The following LRRC41 variants were observed in gnomAD, a reference collection of about 807,000 sequenced individuals.
The protein encoded by LRRC41 is leucine rich repeat containing 41, also known as leucine-rich repeat-containing protein 41.
Under a neutral mutation model 72.1 loss-of-function variants are expected in LRRC41, and 17 were observed. The observed-to-expected ratio is 0.24, with a 90% CI of 0.16 to 0.35. LRRC41 has a LOEUF of 0.35. Among genes scored for constraint, LRRC41 ranks in the 10% least tolerant of loss-of-function variants. The probability of loss-of-function intolerance (pLI) is 1.00; values close to 1 mark genes in which losing one functional copy is unlikely to be tolerated. For missense variants in LRRC41, 759 were observed against 1,065.0 expected (o/e 0.71, Z 4.00); for synonymous variants, 427 against 431.0 (o/e 0.99, Z 0.11).
rs935812078 is a variant in LRRC41, at chr1:46,302,972, G to A, written c.199+152C>T. ...GTCTTTACTCTGTCCAGCCCTGTCA[G>A]TCACAAAATTCATTCTCCGATCCTA... On this transcript the variant is annotated intron_variant, in intron 1 of 9. Coordinates refer to ENST00000617190, the MANE Select transcript of LRRC41 (RefSeq NM_006369.5). This position sits in a 1 kb window ranked among gnomAD's most constrained non-coding sequence, Gnocchi z 4.7. 7 of 1,308,578 alleles carry A rather than the reference G, an allele frequency of 5.3e-6. No individual in the cohort carries two copies. The East Asian group carries it at 1.9e-4, about 35-fold the overall frequency. The allele number at this position is 1,308,578 out of a possible 1,614,324, so 81.1% of individuals were successfully genotyped here.
In LRRC41 at chr1:46,279,149, C is replaced by T; in HGVS notation, c.2219+33G>A. 1 of 1,612,926 alleles carries T rather than the reference C, an allele frequency of 6.2e-7. No homozygotes were observed. The highest frequency in any genetic ancestry group is 8.5e-7 in the Non-Finnish European group (1 of 1,179,074). ...AATTCCTGGTCTATATCTCTGTAGCCCCATCCCTTGTCTTGCCCCTCCCCT... is the reference window on the plus strand; with the variant it reads ...AATTCCTGGTCTATATCTCTGTAGCTCCATCCCTTGTCTTGCCCCTCCCCT... On this transcript the variant is annotated intron_variant, in intron 9 of 9. Coordinates refer to ENST00000617190, the MANE Select transcript of LRRC41 (RefSeq NM_006369.5). The surrounding 1 kb of genome is among the most constrained non-coding windows in gnomAD (Gnocchi z 4.5).
chr1:46,296,068 A>G (rs925139973), intron 3 of LRRC41, among the ~76,000 whole-genome samples: 12 of 152,168 alleles, frequency 7.9e-5, no homozygotes, highest in African/African-American at 2.9e-4. Context: ...ACTATCCTCT[A>G]TTACACCACT....
intron 1 of LRRC41, chr1:46,298,911 G>C (rs1452113392): frequency 6.6e-6 from 1 of 152,382 alleles, no homozygotes; most frequent in Non-Finnish European, 1.5e-5. Flanking sequence ...GCCACTTTCA[G>C]TATATCAACT....
Position 46,278,470 on chromosome 1 carries a change from G to C in LRRC41, c.*395C>G. On this transcript the variant is annotated 3_prime_UTR_variant, in exon 10 of 10. Transcript: ENST00000617190. ...AAAAAAAAGAATAAAGGTATGAAAG[G>C]GTTTGAGGCCTGAGAGCAGTGTGGT... is the stretch of plus-strand genomic sequence containing the variant. The C allele has an allele frequency of 1.3e-6, 1 of 740,968 alleles. No homozygotes were observed. Among genetic ancestry groups the C allele is most frequent in the Non-Finnish European group, 2.2e-6 (1 of 451,262 alleles). The allele number at this position is 740,968 out of a possible 1,614,324, so 45.9% of individuals were successfully genotyped here.
chr1:46,298,253 TTGAC>T (rs1305891221), intron 2 of LRRC41, 27 bp downstream of exon 2: 1 of 1,437,316 alleles, frequency 7.0e-7, no homozygotes, highest in South Asian at 1.2e-5. Flanking sequence ...CTCATAATCA[TTGAC>T]TGAGAAAGAG....
At position 46,303,388 on chromosome 1, in the gene LRRC41, A is replaced by G; in HGVS notation, c.-66T>C. On this transcript the variant is annotated 5_prime_UTR_variant, in exon 1 of 10. It removes the in-frame stop codon of an upstream open reading frame in the 5' UTR. Transcript: ENST00000617190. ...CGCCATCTTGAAAAGGTCAGCAGTT[A>G]GGACGGCTCCATAAGCGATATGGGG... 7.2e-7 allele frequency: 1 copy of G among 1,385,646 alleles called. No homozygotes were observed. Among genetic ancestry groups the G allele is most frequent in the Non-Finnish European group, 9.5e-7 (1 of 1,049,134 alleles). The allele number at this position is 1,385,646 out of a possible 1,614,324, so 85.8% of individuals were successfully genotyped here.
intron 3 of LRRC41, among the ~76,000 whole-genome samples, chr1:46,289,475 C>T (rs1196874260): frequency 6.6e-6 from 1 of 152,026 alleles, no homozygotes; most frequent in Non-Finnish European, 1.5e-5. Flanking sequence ...TCTTAAGAAT[C>T]TATGGGCCGG....
In LRRC41 at chr1:46,279,517, G is replaced by C; in HGVS notation, c.2118C>G (p.Gly706=). ...AAMKGNSTLK[G]LRLPGNRLGN... ...CCAGGCGGTTCCCTGGCAGCCGGAG[G>C]CCCTTCAGTGTGGAGTTGCCCTTCA... Residue 706 remains glycine, a synonymous_variant, in exon 8 of 10, where the codon GGC becomes GGG. Transcript: ENST00000617190. This position sits in a 1 kb window ranked among gnomAD's most constrained non-coding sequence, Gnocchi z 4.5. 1.2e-6 allele frequency: 2 copies of C among 1,614,242 alleles called. No individual in the cohort carries two copies. Among genetic ancestry groups the C allele is most frequent in the Non-Finnish European group, 1.7e-6 (2 of 1,180,044 alleles).
Position 46,278,012 on chromosome 1 carries a change from C to G in LRRC41, c.*853G>C, listed in dbSNP as rs1305187640. On this transcript the variant is annotated 3_prime_UTR_variant, in exon 10 of 10. Coordinates refer to ENST00000617190, the MANE Select transcript of LRRC41 (RefSeq NM_006369.5). ...AAGTGCCCTAACCATTATCTCTAAG[C>G]TACCCACACAGTAGGGAGATGGGAT... 1 of 1,614,164 alleles carries G rather than the reference C, an allele frequency of 6.2e-7. No homozygotes were observed. Among genetic ancestry groups the G allele is most frequent in the Non-Finnish European group, 8.5e-7 (1 of 1,180,012 alleles).
chr1:46,283,359 C>T (rs907729721), intron 4 of LRRC41, among the ~76,000 whole-genome samples: 1 of 152,126 alleles, frequency 6.6e-6, no homozygotes, highest in Non-Finnish European at 1.5e-5. Context: ...TGGCTCATGA[C>T]TATAATCTCA....
At chr1:46,300,910 G>GT (rs1661208844) in intron 1 of LRRC41, 1 of 152,260 alleles carries the variant, frequency 6.6e-6, no homozygotes, top group Non-Finnish European at 1.5e-5. Flanking sequence ...ACTTGATTCA[G>GT]CTTTTTCTGG....
rs751010909 is a variant in LRRC41, at chr1:46,277,973, C to T, written c.*892G>A. On this transcript the variant is annotated 3_prime_UTR_variant, in exon 10 of 10. Coordinates refer to ENST00000617190, the MANE Select transcript of LRRC41 (RefSeq NM_006369.5). ...GGATGAAGCTAGCCTCAGTGACACACATGACAGGTGGGGAAGTGCCCTAAC... is the reference window on the plus strand; with the variant it reads ...GGATGAAGCTAGCCTCAGTGACACATATGACAGGTGGGGAAGTGCCCTAAC... The T allele has an allele frequency of 8.7e-6, 14 of 1,614,066 alleles. No homozygotes were observed. The highest frequency in any genetic ancestry group is 6.7e-5 in the Admixed American group (4 of 60,006).
Position 46,302,114 on chromosome 1 carries a change from C to T in LRRC41, c.199+1010G>A. On this transcript the variant is annotated intron_variant, in intron 1 of 9. Transcript: ENST00000617190. The surrounding 1 kb of genome is among the most constrained non-coding windows in gnomAD (Gnocchi z 4.7). Reference sequence around the variant, plus strand: ...GGTTCGCCCTCCCCGGCCGTTCATCCCGGCGCCCCAGGCCGCCCTCCATCC... The same window carrying T: ...GGTTCGCCCTCCCCGGCCGTTCATCTCGGCGCCCCAGGCCGCCCTCCATCC... The T allele has an allele frequency of 1.0e-6, 1 of 985,362 alleles. No homozygotes were observed. The highest frequency in any genetic ancestry group is 1.2e-6 in the Non-Finnish European group (1 of 829,884). 61.0% of individuals were successfully genotyped at this position (985,362 alleles called of 1,614,324 possible).
chr1:46,302,443 C>T lies in LRRC41; in HGVS notation c.199+681G>A. The T allele has an allele frequency of 1.0e-6, 1 of 985,376 alleles. No homozygotes were observed. The allele number at this position is 985,376 out of a possible 1,614,324, so 61.0% of individuals were successfully genotyped here. A position where few individuals can be genotyped will look rare whatever the true frequency, so the allele number is the denominator to read the frequency against. ...CCTGCGGGTCGCACGGTCGCTCGGT[C>T]GCTTAGTCAGTTTGGCACCCGAGAC... On this transcript the variant is annotated intron_variant, in intron 1 of 9. Coordinates refer to ENST00000617190, the MANE Select transcript of LRRC41 (RefSeq NM_006369.5). This position sits in a 1 kb window ranked among gnomAD's most constrained non-coding sequence, Gnocchi z 4.7.
rs1361608832 is a variant in LRRC41, at chr1:46,278,086, G to A, written c.*779C>T. On this transcript the variant is annotated 3_prime_UTR_variant, in exon 10 of 10. Transcript: ENST00000617190. ...TCTGTCCCTAGGTTGCACTGCCGACGTTGTGTCAACAGCCGTCAGATCCGG... is the reference window on the plus strand; with the variant it reads ...TCTGTCCCTAGGTTGCACTGCCGACATTGTGTCAACAGCCGTCAGATCCGG... 7.4e-6 allele frequency: 12 copies of A among 1,613,990 alleles called. No individual in the cohort carries two copies. The highest frequency in any genetic ancestry group is 4.0e-5 in the African/African-American group (3 of 74,936).
rs1660688952 is a variant in LRRC41 at position 46,278,410 on chromosome 1, C to G, written c.*455G>C. The G allele has an allele frequency of 2.7e-6, 3 of 1,110,510 alleles. No individual in the cohort carries two copies. Among genetic ancestry groups the G allele is most frequent in the Non-Finnish European group, 3.9e-6 (3 of 767,116 alleles). 68.8% of individuals were successfully genotyped at this position (1,110,510 alleles called of 1,614,324 possible). A position where few individuals can be genotyped will look rare whatever the true frequency, so the allele number is the denominator to read the frequency against. On this transcript the variant is annotated 3_prime_UTR_variant, in exon 10 of 10. Coordinates refer to ENST00000617190, the MANE Select transcript of LRRC41 (RefSeq NM_006369.5). The stretch of plus-strand genomic sequence containing the variant: ...TCAAGAAGGGCTGCATGATGTTTGC[C>G]CAAAATTTATTTTATAAGAAAAACT...
In LRRC41 at chr1:46,279,360, A is replaced by C. The variant is rs777828918; in HGVS notation, c.2144-103T>G. On this transcript the variant is annotated intron_variant, in intron 8 of 9. Transcript: ENST00000617190. The surrounding 1 kb of genome is among the most constrained non-coding windows in gnomAD (Gnocchi z 4.5). Reference sequence around the variant, plus strand: ...CAGAACCAGCCCTGCTGGTTCCTGAAGCCCCAGCACAGAAATATCTGTATT... The same window carrying C: ...CAGAACCAGCCCTGCTGGTTCCTGACGCCCCAGCACAGAAATATCTGTATT... 1 of 1,572,282 alleles carries C rather than the reference A, an allele frequency of 6.4e-7. No individual in the cohort carries two copies. The highest frequency in any genetic ancestry group is 1.7e-5 in the Admixed American group (1 of 59,972).
At chr1:46,290,422 ACT>A (rs1055793564) in intron 3 of LRRC41, among the ~76,000 whole-genome samples, 32 of 152,222 alleles carry the variant, frequency 2.1e-4, no homozygotes, top group African/African-American at 7.7e-4. Flanking sequence ...GTGTAAACTA[ACT>A]CTGGAGTATT....
intron 3 of LRRC41, among the ~76,000 whole-genome samples, chr1:46,289,902 A>G (rs1405104734): frequency 2.0e-5 from 3 of 152,242 alleles, no homozygotes; most frequent in African/African-American, 7.2e-5. Context: ...AAGGGAAATG[A>G]GGCATGATCA....
Sources: gnomAD v4.1 joint callset for allele counts (sites outside exome capture counted in the v4.1 genomes callset) on GRCh38, gnomAD v4.1.1 for gene constraint, Gnocchi (gnomAD v3.1) non-coding constraint, MANE v1.5 for transcripts, NCBI Gene and HGNC (gene_info 2026-07-23, HGNC 2026-07-21) for gene names.